NRG1: variants seen among roughly 807,000 people sequenced by gnomAD.
NRG1 encodes the protein pro-neuregulin-1, membrane-bound isoform.
In NRG1, 18 loss-of-function variants were observed where a neutral mutation model predicts 63.8. The ratio of observed to expected loss-of-function variants is 0.28; its 90% CI spans 0.19 to 0.42. The LOEUF (loss-of-function observed/expected upper bound fraction) is 0.42, where lower values mean the gene tolerates loss of function less well. NRG1 is among the 10% of genes least tolerant of loss of function. The probability of loss-of-function intolerance (pLI) is 1.00; values close to 1 mark genes in which losing one functional copy is unlikely to be tolerated. For missense variants in NRG1, 762 were observed against 814.7 expected (o/e 0.94, Z 0.79); for synonymous variants, 302 against 301.3 (o/e 1.00, Z -0.02).
chr8:32,159,512 G>A (rs1438888022), intron 1 of NRG1, among the ~76,000 whole-genome samples: 1 of 145,538 alleles, frequency 6.9e-6, no homozygotes, highest in South Asian at 2.2e-4. Flanking sequence ...CCGCAGTCCG[G>A]CCTGGGCGAC....
chr8:32,520,607 T>C (rs1188890994), intron 1 of NRG1, among the ~76,000 whole-genome samples: 2 of 152,224 alleles, frequency 1.3e-5, no homozygotes, highest in Non-Finnish European at 2.9e-5. Flanking sequence ...ATTTACTCTT[T>C]TTATGTTGTC....
chr8:32,381,636 T>C (rs1346005950), intron 1 of NRG1, among the ~76,000 whole-genome samples: 1 of 152,198 alleles, frequency 6.6e-6, no homozygotes, highest in African/African-American at 2.4e-5. Flanking sequence ...TATTTAAGCC[T>C]ACTAAACAAC....
At chr8:32,426,852 G>A (rs1052519607) in intron 1 of NRG1, among the ~76,000 whole-genome samples, 6 of 152,286 alleles carry the variant, frequency 3.9e-5, no homozygotes, top group East Asian at 1.9e-4. Flanking sequence ...CTACTTTTCC[G>A]ATAAAGATCA....
intron 1 of NRG1, among the ~76,000 whole-genome samples, chr8:32,010,715 G>A (rs1052163390): frequency 6.6e-6 from 1 of 151,934 alleles, no homozygotes. Flanking sequence ...GTTCTCCAGA[G>A]GATTTGTTTT....
chr8:32,059,665 C>T (rs1823530202), intron 1 of NRG1, among the ~76,000 whole-genome samples: 1 of 151,912 alleles, frequency 6.6e-6, no homozygotes, highest in Admixed American at 6.6e-5. Flanking sequence ...TCCTGTTTCC[C>T]TTTAAAAACT....
At chr8:31,957,327 C>T (rs1804624343) in intron 1 of NRG1, among the ~76,000 whole-genome samples, 1 of 152,008 alleles carries the variant, frequency 6.6e-6, no homozygotes, top group South Asian at 2.1e-4. Context: ...GTTACCTGTA[C>T]ATGCCACATT....
chr8:31,697,288 C>A (rs1810169978), intron 1 of NRG1, among the ~76,000 whole-genome samples: 1 of 152,128 alleles, frequency 6.6e-6, no homozygotes, highest in South Asian at 2.1e-4. Flanking sequence ...AGCTGGCAAA[C>A]CTTTGGTAGT....
intron 1 of NRG1, among the ~76,000 whole-genome samples, chr8:32,411,457 A>G (rs1814934648): frequency 6.6e-6 from 1 of 152,246 alleles, no homozygotes; most frequent in Non-Finnish European, 1.5e-5. Context: ...TGCATAATTT[A>G]GAGGCTGAGG....
chr8:32,075,226 A>T (rs367910727), intron 1 of NRG1, among the ~76,000 whole-genome samples: 1 of 152,190 alleles, frequency 6.6e-6, no homozygotes, highest in African/African-American at 2.4e-5. Flanking sequence ...ATGCCTCCAA[A>T]ATATACACTT....
chr8:31,840,954 T>C (rs1192994371), intron 1 of NRG1, among the ~76,000 whole-genome samples: 1 of 152,212 alleles, frequency 6.6e-6, no homozygotes, highest in African/African-American at 2.4e-5. Context: ...CATTCATTCA[T>C]ATTGCCATGT....
chr8:32,474,500 T>TC (rs1407644412), intron 1 of NRG1, among the ~76,000 whole-genome samples: 2 of 151,476 alleles, frequency 1.3e-5, no homozygotes, highest in African/African-American at 4.8e-5. Flanking sequence ...ATTCCCTTTT[T>TC]TTTTTTTTTT....
chr8:32,298,735 A>AG (rs1326459757), intron 1 of NRG1, among the ~76,000 whole-genome samples: 1 of 149,320 alleles, frequency 6.7e-6, no homozygotes, highest in Non-Finnish European at 1.5e-5. Context: ...AAAAAAGAAA[A>AG]GAAAAGAAAA....
At chr8:32,485,940 T>G (rs1825840606) in intron 1 of NRG1, among the ~76,000 whole-genome samples, 1 of 152,188 alleles carries the variant, frequency 6.6e-6, no homozygotes, top group East Asian at 1.9e-4. Flanking sequence ...TTTTCTTTTT[T>G]CTTTGAGACA....
intron 1 of NRG1, among the ~76,000 whole-genome samples, chr8:32,047,495 G>A (rs951903434): frequency 2.0e-5 from 3 of 151,950 alleles, no homozygotes; most frequent in African/African-American, 4.8e-5. Context: ...AAGGAAGTGT[G>A]CATCAATTAT....
At chr8:32,765,074 A>C (rs1271856631) in exon 12 of NRG1, 3 of 152,202 alleles carry the variant, frequency 2.0e-5, no homozygotes, top group Admixed American at 2.0e-4. Context: ...TGCTCTTACT[A>C]AAAGGAGCTC....
intron 1 of NRG1, among the ~76,000 whole-genome samples, chr8:32,512,993 C>T (rs1015199096): frequency 5.9e-5 from 9 of 152,120 alleles, no homozygotes; most frequent in African/African-American, 2.2e-4. Flanking sequence ...TTAAGAATAT[C>T]CAAACAAAGA....
At chr8:32,695,681 G>T (rs1188783433) in intron 5 of NRG1, among the ~76,000 whole-genome samples, 1 of 152,126 alleles carries the variant, frequency 6.6e-6, no homozygotes, top group Non-Finnish European at 1.5e-5. Context: ...CACTGTGCCG[G>T]GTATGTGTGG....
intron 5 of NRG1, among the ~76,000 whole-genome samples, chr8:32,628,050 A>G (rs778038254): frequency 5.3e-5 from 8 of 152,256 alleles, no homozygotes; most frequent in Non-Finnish European, 8.8e-5. Context: ...TTCACAAATA[A>G]TGTAGCTTTG....
intron 1 of NRG1, among the ~76,000 whole-genome samples, chr8:32,211,903 T>C (rs531925845): frequency 6.6e-6 from 1 of 152,292 alleles, no homozygotes; most frequent in South Asian, 2.1e-4. Context: ...TCCTAGAGCT[T>C]TTGTGAACTT....
Sources: gnomAD v4.1 joint callset for allele counts (sites outside exome capture counted in the v4.1 genomes callset) on GRCh38, gnomAD v4.1.1 for gene constraint, MANE v1.5 for transcripts, NCBI Gene and HGNC (gene_info 2026-07-23, HGNC 2026-07-21) for gene names.